PNLIP: variants seen among roughly 807,000 people sequenced by gnomAD.
PNLIP encodes the protein pancreatic triacylglycerol lipase.
A neutral mutation model predicts 57.1 loss-of-function variants in PNLIP; 49 were observed. The observed-to-expected ratio is 0.86, with a 90% CI of 0.68 to 1.09. The LOEUF is 1.09. PNLIP is among the 50% of genes least tolerant of loss of function. The pLI is 0.00. For missense variants in PNLIP, 503 were observed against 570.2 expected (o/e 0.88, Z 1.20); for synonymous variants, 209 against 200.4 (o/e 1.04, Z -0.36).
chr10:116,548,584 T>C (rs954688796), intron 4 of PNLIP, 102 bp downstream of exon 4: 2 of 1,301,552 alleles, frequency 1.5e-6, no homozygotes, highest in East Asian at 2.4e-5. Context: ...TTGGAGGTCT[T>C]GGAGGATATT....
Position 116,555,216 on chromosome 10 carries a change from G to A in PNLIP, c.610G>A (p.Glu204Lys), listed in dbSNP as rs753298863. The A allele has an allele frequency of 1.2e-6, 2 of 1,614,150 alleles. No homozygotes were observed. Among genetic ancestry groups the A allele is most frequent in the South Asian group, 1.1e-5 (1 of 91,084 alleles). Residue 204 changes from glutamate (E) to lysine (K), a missense_variant, in exon 7 of 13, where the codon GAA becomes AAA. Glu to Lys is a moderately conservative substitution (Grantham distance 56). Coordinates refer to ENST00000369221, the MANE Select transcript of PNLIP (RefSeq NM_000936.4). ...AGAACCTTGCTTTCAGGGCACACCT[G>A]AATTAGTCCGATTGGACCCCAGCGA... is the stretch of plus-strand genomic sequence containing the variant. The part of the protein sequence containing the change: ...PAEPCFQGTP[E>K]LVRLDPSDAK...
chr10:116,553,180 A>T (rs1358033961), intron 5 of PNLIP, among the ~76,000 whole-genome samples: 3 of 152,136 alleles, frequency 2.0e-5, no homozygotes, highest in Non-Finnish European at 4.4e-5. Flanking sequence ...ATCTCGGCTC[A>T]CTGCAACTTC....
rs202112958 is a variant in PNLIP, at chr10:116,555,375, T to C, written c.692-13T>C. ...ACATTAGCATAAACCCTCATGTATT[T>C]TTATGATTTCAGGGTTTGGAATGAG... On this transcript the variant is annotated splice_polypyrimidine_tract_variant and intron_variant, in intron 7 of 12. Coordinates refer to ENST00000369221, the MANE Select transcript of PNLIP (RefSeq NM_000936.4). The C allele has an allele frequency of 5.0e-6, 8 of 1,614,170 alleles. No homozygotes were observed. The Admixed American group carries it at 1.3e-4, about 27-fold the overall frequency.
In PNLIP at chr10:116,556,082, T is replaced by A. The variant is rs761078879; in HGVS notation, c.894T>A (p.Ala298=). The change falls in exon 9 of 13, where the codon GCT becomes GCA. Residue 298 remains alanine, a synonymous_variant. Coordinates refer to ENST00000369221, the MANE Select transcript of PNLIP (RefSeq NM_000936.4). ...GCATCGTCAACCCTGATGGCTTTGC[T>A]GGATTCCCCTGTGCCTCTTACAACG... ...TDSIVNPDGF[A]GFPCASYNVF... 6.2e-7 allele frequency: 1 copy of A among 1,613,366 alleles called. No individual in the cohort carries two copies. The highest frequency in any genetic ancestry group is 1.1e-5 in the South Asian group (1 of 91,062).
chr10:116,567,193 CCTT>C (rs1435496383), intron 12 of PNLIP, among the ~76,000 whole-genome samples: 1 of 144,822 alleles, frequency 6.9e-6, no homozygotes, highest in East Asian at 2.0e-4. Context: ...TTCTTTCTTT[CCTT>C]CTTTCTTTTT....
intron 9 of PNLIP, among the ~76,000 whole-genome samples, chr10:116,558,705 A>G (rs1280693767): frequency 6.6e-6 from 1 of 151,358 alleles, no homozygotes; most frequent in Non-Finnish European, 1.5e-5. Flanking sequence ...GCTCACTGCA[A>G]CCTCTGCCTC....
Position 116,551,088 on chromosome 10 carries a change from C to A in PNLIP, c.325-10C>A. 1 of 1,565,992 alleles carries A rather than the reference C, an allele frequency of 6.4e-7. No homozygotes were observed. The highest frequency in any genetic ancestry group is 1.8e-5 in the Admixed American group (1 of 54,474). On this transcript the variant is annotated splice_polypyrimidine_tract_variant and intron_variant, in intron 4 of 12. Coordinates refer to ENST00000369221, the MANE Select transcript of PNLIP (RefSeq NM_000936.4). ...AATTATTTATCTGTTTATTGTGCCC[C>A]TTCCACCAGAATCTGTTCAAGGTGG...
intron 11 of PNLIP, among the ~76,000 whole-genome samples, chr10:116,561,141 T>C (rs1197792638): frequency 6.6e-6 from 1 of 152,182 alleles, no homozygotes; most frequent in East Asian, 1.9e-4. Context: ...ACAAAACACA[T>C]GTGAAAAGAT....
At chr10:116,555,789 T>C (rs555848699) in intron 8 of PNLIP, among the ~76,000 whole-genome samples, 1 of 152,312 alleles carries the variant, frequency 6.6e-6, no homozygotes, top group Non-Finnish European at 1.5e-5. Context: ...AACCTTTCAT[T>C]TAATTACAGT....
intron 12 of PNLIP, among the ~76,000 whole-genome samples, chr10:116,566,293 T>G (rs1847367149): frequency 6.6e-6 from 1 of 152,216 alleles, no homozygotes; most frequent in Non-Finnish European, 1.5e-5. Context: ...TTATACTGAA[T>G]GAAAAGCTAG....
chr10:116,555,445 A>G lies in PNLIP; in HGVS notation c.749A>G (p.Glu250Gly), dbSNP rs972929522. ...GATTTCTTTCCAAATGGAGGAGTGG[A>G]AATGCCTGGATGTAAAAAGAACATT... ...HLDFFPNGGV[E>G]MPGCKKNILS... is the part of the protein sequence containing the mutation. The change falls in exon 8 of 13, where the codon GAA (glutamate) becomes GGA (glycine). Residue 250 changes from glutamate to glycine, a missense_variant. Glu to Gly is a moderately conservative substitution (Grantham distance 98, BLOSUM62 -2). Coordinates refer to ENST00000369221, the MANE Select transcript of PNLIP (RefSeq NM_000936.4). 1 of 1,614,168 alleles carries G rather than the reference A, an allele frequency of 6.2e-7. No homozygotes were observed.
At chr10:116,555,131 T>C (rs1374642669) in intron 6 of PNLIP, 47 bp from the exon 7 acceptor site, 1 of 1,607,922 alleles carries the variant, frequency 6.2e-7, no homozygotes, top group Non-Finnish European at 8.5e-7. Flanking sequence ...TCTTAATACT[T>C]GTACTCAGGA....
Position 116,553,824 on chromosome 10 carries a change from T to C in PNLIP, c.557T>C (p.Ile186Thr), listed in dbSNP as rs78536862. The change falls in exon 6 of 13, where the codon ATT (isoleucine) becomes ACT (threonine). Residue 186 changes from isoleucine (I) to threonine (T), a missense_variant. Physicochemically the swap from Ile to Thr is moderately conservative, Grantham distance 89. Transcript: ENST00000369221. The stretch of plus-strand genomic sequence containing the variant: ...GCTGGAAGGAGAACCAATGGGACCA[T>C]TGGACGCATCACAGGTTGGTGAAAA... Reference protein sequence around the residue: ...GEAGRRTNGTIGRITGLDPAE... With the variant: ...GEAGRRTNGTTGRITGLDPAE... 5.8e-4 allele frequency: 937 copies of C among 1,606,832 alleles called. 17 individuals carry two copies. The East Asian group carries it at 0.02, about 35-fold the overall frequency.
At chr10:116,566,926 A>G (rs922655117) in intron 12 of PNLIP, among the ~76,000 whole-genome samples, 1 of 152,098 alleles carries the variant, frequency 6.6e-6, no homozygotes, top group African/African-American at 2.4e-5. Context: ...TTAAAGAAAA[A>G]TATTCCAAAG....
Position 116,549,349 on chromosome 10 carries a change from C to T in PNLIP, c.324+867C>T, listed in dbSNP as rs529575949. Among the ~76,000 whole-genome samples, 8 of 152,020 alleles carry T rather than the reference C, an allele frequency of 5.3e-5. No individual in the cohort carries two copies. In the East Asian group the frequency reaches 5.8e-4, roughly 11 times the overall value. ...AAAAAATTAGCCAGGTATGGTGGCACGCACCTGTAATCCCAGCTACTCAGG... is the reference window on the plus strand; with the variant it reads ...AAAAAATTAGCCAGGTATGGTGGCATGCACCTGTAATCCCAGCTACTCAGG... On this transcript the variant is annotated intron_variant, in intron 4 of 12. Transcript: ENST00000369221.
rs1162040780 is a variant in PNLIP, at chr10:116,560,443, T to G, written c.1088T>G (p.Leu363Arg). 1 of 1,606,866 alleles carries G rather than the reference T, an allele frequency of 6.2e-7. No individual in the cohort carries two copies. The highest frequency in any genetic ancestry group is 1.3e-5 in the African/African-American group (1 of 74,594). The change falls in exon 11 of 13, where the codon CTG (leucine) becomes CGG (arginine). Residue 363 changes from leucine (L) to arginine (R), a missense_variant. By Grantham distance (102) the Leu-to-Arg change is moderately radical. Transcript: ENST00000369221. Reference sequence around the variant, plus strand: ...TGGAGGTATAAGGTATCTGTCACACTGTCTGGAAAAAAGGTTACAGGACAC... The same window carrying G: ...TGGAGGTATAAGGTATCTGTCACACGGTCTGGAAAAAAGGTTACAGGACAC... ...ARWRYKVSVT[L>R]SGKKVTGHIL... is the part of the protein sequence containing the mutation.
intron 5 of PNLIP, among the ~76,000 whole-genome samples, chr10:116,552,437 T>C (rs908041866): frequency 1.4e-4 from 21 of 152,236 alleles, no homozygotes; most frequent in Middle Eastern, 3.4e-3. Flanking sequence ...ATGCAGGTGT[T>C]TGTGTCTTAG....
intron 4 of PNLIP, among the ~76,000 whole-genome samples, chr10:116,550,345 C>G (rs1349583346): frequency 6.6e-6 from 1 of 151,292 alleles, no homozygotes; most frequent in Admixed American, 6.6e-5. Context: ...GGCGTGACCA[C>G]CGCACCTGGC....
chr10:116,557,041 G>C (rs1320060911), intron 9 of PNLIP, among the ~76,000 whole-genome samples: 3 of 152,102 alleles, frequency 2.0e-5, no homozygotes, highest in Non-Finnish European at 4.4e-5. Flanking sequence ...GCTTAGCCCA[G>C]AGCAAAAAAA....
Sources: allele counts gnomAD v4.1 joint callset (sites outside exome capture counted in the v4.1 genomes callset), GRCh38; gene constraint gnomAD v4.1.1; transcripts MANE v1.5; gene names NCBI Gene and HGNC (gene_info 2026-07-23, HGNC 2026-07-21).